PFKP: variants seen among roughly 807,000 people sequenced by gnomAD.
PFKP encodes ATP-dependent 6-phosphofructokinase, platelet type.
A neutral mutation model predicts 94.3 loss-of-function variants in PFKP; 101 were observed. That is an observed-to-expected ratio of 1.07 (90% confidence interval 0.91 to 1.26). The LOEUF is 1.26. Among genes scored for constraint, PFKP ranks in the 50% most tolerant of loss-of-function variants. The pLI, the probability that PFKP is intolerant of heterozygous loss-of-function variation, is 0.00. For synonymous variants in PFKP, 573 were observed against 432.6 expected, an observed-to-expected ratio of 1.32 and a Z score of -4.03; for missense variants, 1,145 against 1,103.3, an observed-to-expected ratio of 1.04 and a Z score of -0.53.
intron 18 of PFKP, 93 bp from the exon 19 acceptor site, chr10:3,133,110 G>A: frequency 1.2e-6 from 1 of 836,426 alleles, no homozygotes; most frequent in Non-Finnish European, 2.1e-6. Context: ...GTTGGGGGAT[G>A]CGGGAGTCCA....
chr10:3,135,913 C>T, intron 21 of PFKP, 75 bp downstream of exon 21: 1 of 845,330 alleles, frequency 1.2e-6, no homozygotes, highest in Non-Finnish European at 2.0e-6. Flanking sequence ...ATTGCTGTTG[C>T]TGTCGGCAAC....
In PFKP at chr10:3,067,666, G is replaced by A; in HGVS notation, c.71G>A (p.Gly24Asp). The A allele has an allele frequency of 6.5e-7, 1 of 1,532,860 alleles. No individual in the cohort carries two copies. The highest frequency in any genetic ancestry group is 8.8e-7 in the Non-Finnish European group (1 of 1,139,532). 95.0% of individuals were successfully genotyped at this position (1,532,860 alleles called of 1,614,324 possible). ...TTCCTGGAGCACCTCTCCGGGGCCG[G>A]CAAGGCCATCGGCGTGCTGACCAGC... is the stretch of plus-strand genomic sequence containing the variant. Reference protein sequence around the residue: ...RKFLEHLSGAGKAIGVLTSGG... With the variant: ...RKFLEHLSGADKAIGVLTSGG... Residue 24 changes from glycine to aspartate, a missense_variant, in exon 1 of 22, where the codon GGC becomes GAC. Around this residue, in one of 3 missense-constraint regions of PFKP, gnomAD observed 1,119 missense variants for 1,062.8 expected, o/e 1.05. Coordinates refer to ENST00000381125, the MANE Select transcript of PFKP (RefSeq NM_002627.5).
intron 5 of PFKP, among the ~76,000 whole-genome samples, chr10:3,104,336 T>C (rs1835329487): frequency 6.6e-6 from 1 of 152,188 alleles, no homozygotes; most frequent in African/African-American, 2.4e-5. Flanking sequence ...CGAAGTGTCG[T>C]GGGGGCCACA....
intron 19 of PFKP, 52 bp from the exon 20 acceptor site, chr10:3,134,430 CA>C: frequency 1.0e-6 from 1 of 995,538 alleles, no homozygotes; most frequent in Non-Finnish European, 1.5e-6. Context: ...TTCTATTTAA[CA>C]GCAAAGTGTT....
intron 3 of PFKP, among the ~76,000 whole-genome samples, chr10:3,099,809 G>A (rs1410189596): frequency 6.6e-6 from 1 of 152,008 alleles, no homozygotes; most frequent in African/African-American, 2.4e-5. Context: ...AGATGTGAAC[G>A]GAGAGTTGAA....
chr10:3,080,516 C>CAA (rs869281524), intron 1 of PFKP, among the ~76,000 whole-genome samples: 4,914 of 68,380 alleles, frequency 0.072, 261 homozygotes, highest in Non-Finnish European at 0.092. Flanking sequence ...GACTCCGTCT[C>CAA]AAAAAAAAAA....
intron 16 of PFKP, among the ~76,000 whole-genome samples, chr10:3,122,705 C>A (rs7914040): frequency 0.034 from 5,209 of 152,270 alleles, 199 homozygotes; most frequent in African/African-American, 0.097. Context: ...ATGGCATGGC[C>A]CTGGGCAGCA....
rs76515236 is a variant in PFKP at position 3,135,612 on chromosome 10, G to A, written c.2123-124G>A. 4,809 of 629,350 alleles carry A rather than the reference G, an allele frequency of 7.6e-3. 40 individuals are homozygous for A. Among genetic ancestry groups the A allele is most frequent in the Middle Eastern group, 0.025 (97 of 3,868 alleles). The allele number at this position is 629,350 out of a possible 1,614,324, so 39.0% of individuals were successfully genotyped here. A position where few individuals can be genotyped will look rare whatever the true frequency, so the allele number is the denominator to read the frequency against. Reference sequence around the variant, plus strand: ...CTGCGCGGCTGTTCTCAGTCTCACTGGGCTTCCAGGCCGGGTTCAGCATGG... The same window carrying A: ...CTGCGCGGCTGTTCTCAGTCTCACTAGGCTTCCAGGCCGGGTTCAGCATGG... On this transcript the variant is annotated intron_variant, in intron 20 of 21. Coordinates refer to ENST00000381125, the MANE Select transcript of PFKP (RefSeq NM_002627.5).
chr10:3,126,745 ATTTC>A (rs1244828409), intron 16 of PFKP, among the ~76,000 whole-genome samples: 1 of 152,208 alleles, frequency 6.6e-6, no homozygotes, highest in Non-Finnish European at 1.5e-5. Context: ...ACCAATTTAT[ATTTC>A]TTAACACCCA....
chr10:3,107,109 C>T (rs1442312950), intron 7 of PFKP, 105 bp from the exon 8 acceptor site: 10 of 708,056 alleles, frequency 1.4e-5, no homozygotes, highest in Non-Finnish European at 2.0e-5. Context: ...GATTCCTGCC[C>T]AGAAAGAGGC....
Position 3,135,764 on chromosome 10 carries a change from T to C in PFKP, c.2151T>C (p.Ile717=), listed in dbSNP as rs376687260. The change falls in exon 21 of 22, where the codon ATT becomes ATC. Residue 717 remains isoleucine (I), a synonymous_variant. Coordinates refer to ENST00000381125, the MANE Select transcript of PFKP (RefSeq NM_002627.5). ...RGKKFTTDDS[I]CVLGISKRNV... is the part of the protein sequence containing the mutation. ...AAAAATTTACCACCGATGATTCCAT[T>C]TGTGTGCTGGGAATAAGCAAAAGAA... is the stretch of plus-strand genomic sequence containing the variant. 2 of 1,612,866 alleles carry C rather than the reference T, an allele frequency of 1.2e-6. No homozygotes were observed. Among genetic ancestry groups the C allele is most frequent in the South Asian group, 1.1e-5 (1 of 90,996 alleles).
At chr10:3,109,177 G>T (rs945483005) in intron 9 of PFKP, among the ~76,000 whole-genome samples, 178 bp from the exon 10 acceptor site, 1 of 152,166 alleles carries the variant, frequency 6.6e-6, no homozygotes, top group African/African-American at 2.4e-5. Flanking sequence ...CCTCCTCTCT[G>T]TTCCCGTCTT....
intron 8 of PFKP, chr10:3,108,027 C>T: frequency 7.8e-7 from 1 of 1,288,568 alleles, no homozygotes; most frequent in Non-Finnish European, 1.0e-6. Flanking sequence ...CAAAGCATAT[C>T]TCTGGATATG....
chr10:3,092,693 A>G (rs1006604935), intron 2 of PFKP, among the ~76,000 whole-genome samples: 1 of 152,058 alleles, frequency 6.6e-6, no homozygotes, highest in Admixed American at 6.5e-5. Context: ...AATATGGGGG[A>G]AAAAAACCTT....
intron 20 of PFKP, among the ~76,000 whole-genome samples, chr10:3,134,929 C>T (rs930869726): frequency 3.3e-5 from 5 of 152,136 alleles, no homozygotes; most frequent in African/African-American, 1.2e-4. Context: ...CTAGGACAAC[C>T]TCCTTGTGAC....
In PFKP at chr10:3,129,992, C is replaced by T. The variant is rs201150937; in HGVS notation, c.1848+9C>T. On this transcript the variant is annotated intron_variant, in intron 17 of 21. Coordinates refer to ENST00000381125, the MANE Select transcript of PFKP (RefSeq NM_002627.5). ...ACATCAGGGATCTGCAGGTATGTGA[C>T]GGGGCTGGCCTCAGGGCCCGTCCCC... 112 of 1,560,984 alleles carry T rather than the reference C, an allele frequency of 7.2e-5. No individual in the cohort carries two copies. The highest frequency in any genetic ancestry group is 5.2e-4 in the Middle Eastern group (3 of 5,808).
At chr10:3,069,487 T>A in intron 1 of PFKP, 1 of 1,114,998 alleles carries the variant, frequency 9.0e-7, no homozygotes, top group Non-Finnish European at 1.3e-6. Flanking sequence ...TGACCTTACC[T>A]GGGCCGCGAA....
In PFKP at chr10:3,113,479, C is replaced by T. The variant is rs1227459154; in HGVS notation, c.1332C>T (p.Leu444=). The T allele has an allele frequency of 9.3e-6, 15 of 1,613,272 alleles. No homozygotes were observed. In the South Asian group the frequency reaches 9.9e-5, roughly 11 times the overall value. The part of the protein sequence containing the change: ...RVGIADGHRM[L]AIYDGFDGFA... ...GCATTGCCGACGGCCACAGGATGCT[C>T]GCCATCTATGATGGCTTTGACGGCT... Residue 444 remains leucine, a synonymous_variant, in exon 13 of 22, where the codon CTC becomes CTT. Coordinates refer to ENST00000381125, the MANE Select transcript of PFKP (RefSeq NM_002627.5).
intron 16 of PFKP, among the ~76,000 whole-genome samples, chr10:3,122,353 G>A (rs1409522847): frequency 6.6e-6 from 1 of 152,150 alleles, no homozygotes; most frequent in East Asian, 1.9e-4. Flanking sequence ...TGGCTGCTGG[G>A]GAGCTGGGAC....
Sources: gnomAD v4.1 joint callset for allele counts (sites outside exome capture counted in the v4.1 genomes callset) on GRCh38, gnomAD v4.1.1 for gene constraint, gnomAD v4.1.1 regional missense constraint, MANE v1.5 for transcripts, NCBI Gene and HGNC (gene_info 2026-07-23, HGNC 2026-07-21) for gene names.